The following TSPAN9 variants were observed in gnomAD, a reference collection of about 807,000 sequenced individuals.
TSPAN9 encodes the protein tetraspanin-9.
A neutral mutation model predicts 31.0 loss-of-function variants in TSPAN9; 16 were observed. That is an observed-to-expected ratio of 0.52 (90% CI 0.35 to 0.78). The LOEUF is 0.78. TSPAN9 is among the 30% of genes least tolerant of loss of function. The pLI is 0.01. For synonymous variants in TSPAN9, 145 were observed against 121.6 expected (o/e 1.19, Z -1.27); for missense variants, 272 against 312.5 (o/e 0.87, Z 0.98).
At chr12:3,225,090 C>G (rs1296316009) in intron 3 of TSPAN9, among the ~76,000 whole-genome samples, 2 of 152,216 alleles carry the variant, frequency 1.3e-5, no homozygotes, top group Non-Finnish European at 2.9e-5. Context: ...GACAGTGGAA[C>G]AGAGACAAAG....
intron 2 of TSPAN9, among the ~76,000 whole-genome samples, chr12:3,163,476 CCCTT>C (rs2098346595): frequency 6.6e-6 from 1 of 152,184 alleles, no homozygotes; most frequent in Admixed American, 6.5e-5. Context: ...CATTTCTCCT[CCCTT>C]CCACCCCGCT....
At chr12:3,277,651 A>C (rs1318195342) in intron 3 of TSPAN9, among the ~76,000 whole-genome samples, 1 of 152,174 alleles carries the variant, frequency 6.6e-6, no homozygotes, top group Non-Finnish European at 1.5e-5. Flanking sequence ...ACAGATGTGG[A>C]GATTTGCAGC....
rs2098315326 is a variant in TSPAN9, at chr12:3,107,582, T to C, written c.-18+23863T>C. On this transcript the variant is annotated intron_variant, in intron 2 of 8. Coordinates refer to ENST00000011898, the MANE Select transcript of TSPAN9 (RefSeq NM_006675.5). The surrounding 1 kb of genome is among the most constrained non-coding windows in gnomAD (Gnocchi z 4.1). ...GGGGCCATGCATGCCTCTTGTTAGG[T>C]CTGGCTTTCCCTTTCTGTTTGGGGC... Among the ~76,000 whole-genome samples the C allele has an allele frequency of 6.6e-6, 1 of 152,134 alleles. No homozygotes were observed. The highest frequency in any genetic ancestry group is 2.1e-4 in the South Asian group (1 of 4,830).
chr12:3,278,429 C>T lies in TSPAN9; in HGVS notation c.72C>T (p.Gly24=). The T allele has an allele frequency of 6.2e-7, 1 of 1,614,146 alleles. No individual in the cohort carries two copies. Among genetic ancestry groups the T allele is most frequent in the Non-Finnish European group, 8.5e-7 (1 of 1,179,996 alleles). Residue 24 remains glycine, a synonymous_variant, in exon 4 of 9, where the codon GGC becomes GGT. Coordinates refer to ENST00000011898, the MANE Select transcript of TSPAN9 (RefSeq NM_006675.5). ...FLFNLIFWLC[G]CGLLGVGIWL... ...CTTTCCTTCCTTTCCAGCTCTGTGG[C>T]TGTGGGCTGCTGGGAGTGGGCATCT...
chr12:3,250,725 T>C (rs1194978137), intron 3 of TSPAN9, among the ~76,000 whole-genome samples: 2 of 152,236 alleles, frequency 1.3e-5, no homozygotes, highest in Non-Finnish European at 2.9e-5. Context: ...CAGGGTGCAG[T>C]GTCCATGACA....
chr12:3,215,903 C>G (rs113192663), intron 3 of TSPAN9, among the ~76,000 whole-genome samples: 5 of 151,816 alleles, frequency 3.3e-5, no homozygotes, highest in African/African-American at 1.2e-4. Context: ...CACGTTCCAC[C>G]GGGACCTCTC....
At chr12:3,232,847 A>G (rs2098391494) in intron 3 of TSPAN9, among the ~76,000 whole-genome samples, 1 of 151,792 alleles carries the variant, frequency 6.6e-6, no homozygotes, top group South Asian at 2.1e-4. Context: ...GAGGCTGCTC[A>G]CTCCATTTGG....
intron 2 of TSPAN9, among the ~76,000 whole-genome samples, chr12:3,174,750 T>G (rs1202874369): frequency 4.0e-5 from 5 of 123,554 alleles, no homozygotes; most frequent in Admixed American, 2.6e-4. Flanking sequence ...GCCCGGCTAA[T>G]TTTTTGTATT....
At chr12:3,266,853 A>C (rs7973548) in intron 3 of TSPAN9, among the ~76,000 whole-genome samples, 22 of 152,108 alleles carry the variant, frequency 1.4e-4, no homozygotes, top group Non-Finnish European at 2.8e-4. Flanking sequence ...GATGCTCCAC[A>C]TGTGGGCCCT....
intron 3 of TSPAN9, among the ~76,000 whole-genome samples, chr12:3,245,264 G>A (rs979834219): frequency 6.6e-6 from 1 of 152,178 alleles, no homozygotes; most frequent in Admixed American, 6.5e-5. Flanking sequence ...GCCCTGGAAG[G>A]TGCCAAGCCC....
intron 2 of TSPAN9, among the ~76,000 whole-genome samples, chr12:3,085,685 G>A (rs952216826): frequency 5.9e-5 from 9 of 152,124 alleles, no homozygotes; most frequent in African/African-American, 2.4e-5. Flanking sequence ...CCTACAAAGC[G>A]GCAGGTTGGG....
intron 3 of TSPAN9, among the ~76,000 whole-genome samples, chr12:3,204,965 G>A (rs887185429): frequency 3.3e-5 from 5 of 152,110 alleles, no homozygotes; most frequent in African/African-American, 9.7e-5. Context: ...AAGGAGACTC[G>A]GAGCTTCAAA....
intron 2 of TSPAN9, among the ~76,000 whole-genome samples, chr12:3,100,953 A>G (rs1296751384): frequency 2.0e-5 from 3 of 152,204 alleles, no homozygotes; most frequent in East Asian, 3.8e-4. Flanking sequence ...ACCATGCTTC[A>G]TGGTTACTAA....
chr12:3,221,360 C>CCTT (rs2098384461), intron 3 of TSPAN9, among the ~76,000 whole-genome samples: 9 of 141,312 alleles, frequency 6.4e-5, no homozygotes. Context: ...ATATTTTTCT[C>CCTT]TTTTTTTTTT....
At position 3,281,845 on chromosome 12, in the gene TSPAN9, C is replaced by T. The variant is rs773481856; in HGVS notation, c.648+28C>T. 7.4e-5 allele frequency: 119 copies of T among 1,609,980 alleles called. 2 individuals carry two copies. In the Admixed American group the frequency reaches 9.7e-4, roughly 13 times the overall value. ...AAGAGGGGCGTCCCCAGCAGCCTCACCCACCCTGCTGGCCTCAGCCTCAGA... is the reference window on the plus strand; with the variant it reads ...AAGAGGGGCGTCCCCAGCAGCCTCATCCACCCTGCTGGCCTCAGCCTCAGA... On this transcript the variant is annotated intron_variant, in intron 8 of 8. Coordinates refer to ENST00000011898, the MANE Select transcript of TSPAN9 (RefSeq NM_006675.5).
At chr12:3,125,539 G>A (rs780815914) in intron 2 of TSPAN9, among the ~76,000 whole-genome samples, 1 of 151,986 alleles carries the variant, frequency 6.6e-6, no homozygotes, top group East Asian at 1.9e-4. Flanking sequence ...CTGTTTTTCC[G>A]AATACTCTGA....
Position 3,284,478 on chromosome 12 carries a change from G to T in TSPAN9, c.*1362G>T, listed in dbSNP as rs1388966872. On this transcript the variant is annotated 3_prime_UTR_variant, in exon 9 of 9. Coordinates refer to ENST00000011898, the MANE Select transcript of TSPAN9 (RefSeq NM_006675.5). ...GGGTTGGGTGGCGATTATATCATCT[G>T]TGATCCCAAGGAGAAGAAATACAGA... The T allele has an allele frequency of 6.6e-6, 1 of 152,524 alleles. No homozygotes were observed. The highest frequency in any genetic ancestry group is 1.5e-5 in the Non-Finnish European group (1 of 68,054). 9.4% of individuals were successfully genotyped at this position (152,524 alleles called of 1,614,324 possible).
At chr12:3,095,941 G>T (rs1262363313) in intron 2 of TSPAN9, among the ~76,000 whole-genome samples, 1 of 150,132 alleles carries the variant, frequency 6.7e-6, no homozygotes, top group East Asian at 2.0e-4. Context: ...GGTGGCGGCC[G>T]GGCAGAGGCT....
chr12:3,264,958 C>G (rs1238825556), intron 3 of TSPAN9, among the ~76,000 whole-genome samples: 2 of 152,176 alleles, frequency 1.3e-5, no homozygotes, highest in Non-Finnish European at 2.9e-5. Context: ...TGTCTCTAAC[C>G]CACACACTCC....
Sources: allele counts gnomAD v4.1 joint callset (sites outside exome capture counted in the v4.1 genomes callset), GRCh38; gene constraint gnomAD v4.1.1; non-coding constraint Gnocchi (gnomAD v3.1); transcripts MANE v1.5; gene names NCBI Gene and HGNC (gene_info 2026-07-23, HGNC 2026-07-21).